CCNY: variants seen among roughly 807,000 people sequenced by gnomAD.
The protein encoded by CCNY is cyclin-Y.
CCNY carries 19 observed loss-of-function variants against 42.8 expected under a neutral mutation model. The observed-to-expected ratio is 0.44, with a 90% CI of 0.31 to 0.65. The LOEUF is 0.65. Among genes scored for constraint, CCNY ranks in the 30% least tolerant of loss-of-function variants. The pLI is 0.07. For synonymous variants in CCNY, 165 were observed against 162.7 expected (o/e 1.01, Z -0.11); for missense variants, 370 against 437.3 (o/e 0.85, Z 1.37).
At chr10:35,529,497 G>A (rs1840720027) in intron 5 of CCNY, among the ~76,000 whole-genome samples, 1 of 152,144 alleles carries the variant, frequency 6.6e-6, no homozygotes, top group Admixed American at 6.6e-5. Context: ...TTAATCATAA[G>A]TGATTAAGTA....
intron 1 of CCNY, among the ~76,000 whole-genome samples, chr10:35,407,451 G>A (rs976056631): frequency 6.6e-6 from 1 of 152,262 alleles, no homozygotes; most frequent in Non-Finnish European, 1.5e-5. Flanking sequence ...CTCTCATTGG[G>A]AGCAGAGACT....
intron 1 of CCNY, among the ~76,000 whole-genome samples, chr10:35,404,594 G>A (rs1308094348): frequency 6.6e-6 from 1 of 152,068 alleles, no homozygotes; most frequent in Non-Finnish European, 1.5e-5. Flanking sequence ...GATTAAGAAG[G>A]GGACGGATTT....
intron 3 of CCNY, among the ~76,000 whole-genome samples, chr10:35,253,682 G>T (rs12240638): frequency 0.37 from 55,291 of 151,470 alleles, 10,508 homozygotes; most frequent in African/African-American, 0.47. Context: ...TTTATTCCAT[G>T]TAGACCATTC....
At chr10:35,421,234 C>G (rs958756464) in intron 1 of CCNY, among the ~76,000 whole-genome samples, 1 of 152,152 alleles carries the variant, frequency 6.6e-6, no homozygotes, top group Non-Finnish European at 1.5e-5. Flanking sequence ...GAGGGAATTT[C>G]TTTGTTAAAT....
intron 1 of CCNY, among the ~76,000 whole-genome samples, chr10:35,405,905 A>G (rs553096736): frequency 6.6e-6 from 1 of 152,300 alleles, no homozygotes; most frequent in African/African-American, 2.4e-5. Context: ...GGCTGCGGGC[A>G]TTCCTTGGCC....
chr10:35,398,096 G>A lies in CCNY; in HGVS notation c.154+60889G>A, dbSNP rs181154734. ...GGGAGGGTAGTAGCTGGGCTTCCTG[G>A]GGCCCGTGGAGGCTGAGAGCAAAGC... On this transcript the variant is annotated intron_variant, in intron 1 of 9. Coordinates refer to ENST00000374704, the MANE Select transcript of CCNY (RefSeq NM_145012.6). 3.3e-3 allele frequency among the ~76,000 whole-genome samples: 507 copies of A among 152,260 alleles called. 3 individuals carry two copies. The highest frequency in any genetic ancestry group is 4.6e-3 in the Non-Finnish European group (310 of 68,022).
intron 3 of CCNY, among the ~76,000 whole-genome samples, chr10:35,513,889 A>G (rs897515166): frequency 6.6e-6 from 1 of 152,146 alleles, no homozygotes; most frequent in Non-Finnish European, 1.5e-5. Context: ...TAACAAAAAT[A>G]TTTTGAGTGA....
chr10:35,292,099 A>T (rs899201701), intron 3 of CCNY, among the ~76,000 whole-genome samples: 1 of 152,110 alleles, frequency 6.6e-6, no homozygotes, highest in Non-Finnish European at 1.5e-5. Flanking sequence ...TTTGGTTTGC[A>T]TCTCCTTGAC....
chr10:35,536,297 C>A (rs1840885947), intron 7 of CCNY, among the ~76,000 whole-genome samples: 1 of 152,142 alleles, frequency 6.6e-6, no homozygotes, highest in Non-Finnish European at 1.5e-5. Flanking sequence ...GCCTCCCCAG[C>A]CATGTGGAAT....
At chr10:35,536,385 G>A (rs554508090) in intron 7 of CCNY, among the ~76,000 whole-genome samples, 17 of 152,260 alleles carry the variant, frequency 1.1e-4, no homozygotes, top group Non-Finnish European at 1.9e-4. Flanking sequence ...GACTAACACA[G>A]TAAATTGGTA....
At chr10:35,414,120 G>T (rs949241294) in intron 1 of CCNY, among the ~76,000 whole-genome samples, 1 of 152,212 alleles carries the variant, frequency 6.6e-6, no homozygotes, top group African/African-American at 2.4e-5. Flanking sequence ...CAGAAACTCA[G>T]CAGCTTAAGA....
intron 1 of CCNY, among the ~76,000 whole-genome samples, chr10:35,405,403 A>G (rs938831939): frequency 6.6e-6 from 1 of 152,098 alleles, no homozygotes; most frequent in African/African-American, 2.4e-5. Flanking sequence ...GGAGGCTTTG[A>G]ACTGGGGCAA....
intron 3 of CCNY, among the ~76,000 whole-genome samples, chr10:35,303,025 G>C (rs894356494): frequency 1.3e-5 from 2 of 152,068 alleles, no homozygotes; most frequent in East Asian, 3.9e-4. Context: ...GTGAGACCCT[G>C]TCTCTACAAA....
chr10:35,354,015 A>T (rs982754365), intron 1 of CCNY, among the ~76,000 whole-genome samples: 1 of 152,066 alleles, frequency 6.6e-6, no homozygotes, highest in Non-Finnish European at 1.5e-5. Flanking sequence ...CTCCAGGCTC[A>T]CTTACGTGGC....
At chr10:35,320,120 A>G (rs1835803908) in intron 3 of CCNY, among the ~76,000 whole-genome samples, 2 of 152,184 alleles carry the variant, frequency 1.3e-5, no homozygotes, top group Admixed American at 6.5e-5. Context: ...ACAAAGAAAG[A>G]TGACTTCTCT....
intron 3 of CCNY, among the ~76,000 whole-genome samples, chr10:35,274,312 C>T (rs746515346): frequency 1.3e-5 from 2 of 152,168 alleles, no homozygotes; most frequent in Non-Finnish European, 2.9e-5. Flanking sequence ...AATTATCTCC[C>T]ACTGGGTCCC....
At chr10:35,267,483 C>T (rs763851456) in intron 3 of CCNY, among the ~76,000 whole-genome samples, 4 of 152,160 alleles carry the variant, frequency 2.6e-5, no homozygotes, top group Non-Finnish European at 4.4e-5. Flanking sequence ...AAGAGCCCAG[C>T]GTGGAGCTGT....
intron 1 of CCNY, among the ~76,000 whole-genome samples, chr10:35,376,992 T>C (rs1470757045): frequency 6.6e-6 from 1 of 152,178 alleles, no homozygotes; most frequent in African/African-American, 2.4e-5. Context: ...TGTACAACTT[T>C]GTGAATGTAC....
intron 7 of CCNY, among the ~76,000 whole-genome samples, chr10:35,552,113 A>T (rs1841270990): frequency 6.6e-6 from 1 of 152,238 alleles, no homozygotes; most frequent in Admixed American, 6.5e-5. Flanking sequence ...CACAGGGGGA[A>T]CAGCTCAAAT....
Sources: gnomAD v4.1 joint callset for allele counts (sites outside exome capture counted in the v4.1 genomes callset) on GRCh38, gnomAD v4.1.1 for gene constraint, MANE v1.5 for transcripts, NCBI Gene and HGNC (gene_info 2026-07-23, HGNC 2026-07-21) for gene names.